CCDC148: variants seen among roughly 807,000 people sequenced by gnomAD.
CCDC148 encodes the protein coiled-coil domain containing 148, also known as coiled-coil domain-containing protein 148.
Under a neutral mutation model 85.7 loss-of-function variants are expected in CCDC148, and 89 were observed. That is an observed-to-expected ratio of 1.04 (90% CI 0.87 to 1.24). The LOEUF (loss-of-function observed/expected upper bound fraction) is 1.24. CCDC148 is among the 50% of genes most tolerant of loss of function. The probability of loss-of-function intolerance (pLI) is 0.00; values close to 1 mark genes in which losing one functional copy is unlikely to be tolerated. For missense variants in CCDC148, 692 were observed against 671.7 expected (o/e 1.03, Z -0.33); for synonymous variants, 230 against 213.9 (o/e 1.08, Z -0.66).
intron 1 of CCDC148, among the ~76,000 whole-genome samples, chr2:158,434,576 G>C (rs1687545428): frequency 6.6e-6 from 1 of 152,176 alleles, no homozygotes; most frequent in African/African-American, 2.4e-5. Flanking sequence ...CTCCTCCAAA[G>C]GAATGCAGCT....
chr2:158,389,872 A>G (rs1056881408), intron 1 of CCDC148, among the ~76,000 whole-genome samples: 5 of 152,216 alleles, frequency 3.3e-5, no homozygotes, highest in Admixed American at 1.3e-4. Flanking sequence ...GACTCAGGAC[A>G]GGCTTTGCAC....
At chr2:158,240,485 C>CAT (rs1220459455) in intron 10 of CCDC148, among the ~76,000 whole-genome samples, 7 of 150,448 alleles carry the variant, frequency 4.7e-5, no homozygotes, top group African/African-American at 1.5e-4. Context: ...CACACACACA[C>CAT]ACACACCTCT....
intron 7 of CCDC148, among the ~76,000 whole-genome samples, chr2:158,315,652 C>T (rs1027114215): frequency 6.6e-5 from 10 of 152,022 alleles, no homozygotes; most frequent in African/African-American, 9.7e-5. Context: ...ACACCCACAT[C>T]GCCTTTATTA....
intron 10 of CCDC148, among the ~76,000 whole-genome samples, chr2:158,238,509 C>T (rs1440285549): frequency 2.0e-5 from 3 of 151,994 alleles, no homozygotes; most frequent in Non-Finnish European, 2.9e-5. Flanking sequence ...ACTGAGGAGG[C>T]GATGAAGAAG....
intron 7 of CCDC148, among the ~76,000 whole-genome samples, chr2:158,337,190 C>T (rs1361205521): frequency 6.6e-6 from 1 of 152,180 alleles, no homozygotes; most frequent in East Asian, 1.9e-4. Context: ...AAGGCAAACT[C>T]CTCCCTCTTG....
chr2:158,183,959 A>T (rs990684705), intron 11 of CCDC148, among the ~76,000 whole-genome samples: 1 of 152,168 alleles, frequency 6.6e-6, no homozygotes, highest in African/African-American at 2.4e-5. Context: ...TGTGCAGATC[A>T]AAGCAGGCAG....
At chr2:158,329,215 T>C (rs1009550530) in intron 7 of CCDC148, among the ~76,000 whole-genome samples, 3 of 152,218 alleles carry the variant, frequency 2.0e-5, no homozygotes, top group Non-Finnish European at 4.4e-5. Context: ...AGGGATCCAG[T>C]TTCAGCTTTC....
At chr2:158,328,267 G>T (rs1406291693) in intron 7 of CCDC148, among the ~76,000 whole-genome samples, 6 of 151,946 alleles carry the variant, frequency 3.9e-5, no homozygotes, top group Non-Finnish European at 8.8e-5. Flanking sequence ...TGCTGTGTTT[G>T]TTTTTTTGTC....
At chr2:158,406,933 C>T (rs548578063) in intron 1 of CCDC148, among the ~76,000 whole-genome samples, 2 of 152,140 alleles carry the variant, frequency 1.3e-5, no homozygotes, top group South Asian at 4.2e-4. Context: ...TGGCACATTA[C>T]ATTTCCACAA....
chr2:158,392,675 T>C (rs1015095656), intron 1 of CCDC148, among the ~76,000 whole-genome samples: 4 of 152,124 alleles, frequency 2.6e-5, no homozygotes, highest in African/African-American at 9.7e-5. Flanking sequence ...ATATAAATTA[T>C]TTGTATTACT....
chr2:158,359,558 C>T (rs1324621805), intron 1 of CCDC148, among the ~76,000 whole-genome samples: 1 of 152,112 alleles, frequency 6.6e-6, no homozygotes, highest in Non-Finnish European at 1.5e-5. Context: ...GGGGTGTCAC[C>T]TCACCCAGGA....
chr2:158,453,824 G>C (rs547609024), intron 1 of CCDC148, among the ~76,000 whole-genome samples: 1 of 152,112 alleles, frequency 6.6e-6, no homozygotes, highest in Non-Finnish European at 1.5e-5. Flanking sequence ...GTTTACTTTC[G>C]TTCTTGAGGG....
intron 9 of CCDC148, among the ~76,000 whole-genome samples, chr2:158,300,569 G>A (rs994200232): frequency 6.6e-6 from 1 of 152,190 alleles, no homozygotes; most frequent in Non-Finnish European, 1.5e-5. Flanking sequence ...TTCAGACAAA[G>A]GAAGGTAAGA....
chr2:158,409,236 C>T (rs1686155170), intron 1 of CCDC148, among the ~76,000 whole-genome samples: 1 of 152,306 alleles, frequency 6.6e-6, no homozygotes, highest in South Asian at 2.1e-4. Flanking sequence ...CCACTATCCT[C>T]CAGACTCCGG....
intron 1 of CCDC148, among the ~76,000 whole-genome samples, chr2:158,361,442 C>G (rs1683941546): frequency 6.6e-6 from 1 of 152,132 alleles, no homozygotes; most frequent in Non-Finnish European, 1.5e-5. Context: ...TGGTTACCCA[C>G]AAAGGGAAGC....
At chr2:158,347,047 CTACTT>C (rs1683028661) in intron 2 of CCDC148, among the ~76,000 whole-genome samples, 1 of 152,110 alleles carries the variant, frequency 6.6e-6, no homozygotes, top group African/African-American at 2.4e-5. Flanking sequence ...TCAGCAGTCT[CTACTT>C]TACCTACCAA....
At chr2:158,370,894 TA>T (rs1235582019) in intron 1 of CCDC148, among the ~76,000 whole-genome samples, 1,716 of 147,254 alleles carry the variant, frequency 0.012, 20 homozygotes, top group African/African-American at 0.034. Flanking sequence ...TACGGGAAAT[TA>T]AAAAAAAAAA....
At chr2:158,177,569 A>G (rs1254805802) in intron 12 of CCDC148, among the ~76,000 whole-genome samples, 1 of 152,090 alleles carries the variant, frequency 6.6e-6, no homozygotes, top group African/African-American at 2.4e-5. Context: ...AATCATATAG[A>G]CTGTAGTTAT....
At chr2:158,281,380 G>A (rs1018248271) in intron 9 of CCDC148, among the ~76,000 whole-genome samples, 2 of 152,082 alleles carry the variant, frequency 1.3e-5, no homozygotes, top group Admixed American at 6.5e-5. Context: ...TAGACCGCTG[G>A]CAGACTAATA....
Sources: allele counts gnomAD v4.1 joint callset (sites outside exome capture counted in the v4.1 genomes callset), GRCh38; gene constraint gnomAD v4.1.1; transcripts MANE v1.5; gene names NCBI Gene and HGNC (gene_info 2026-07-23, HGNC 2026-07-21).